The following CR1 variants were observed in gnomAD, a reference collection of about 807,000 sequenced individuals.
The protein encoded by CR1 is complement C3b/C4b receptor 1 (Knops blood group).
In CR1, 116 loss-of-function variants were observed where a neutral mutation model predicts 187.3. That is an observed-to-expected ratio of 0.62 (90% confidence interval 0.53 to 0.72). The LOEUF (loss-of-function observed/expected upper bound fraction) is 0.72, where lower values mean the gene tolerates loss of function less well. Among genes scored for constraint, CR1 ranks in the 30% least tolerant of loss-of-function variants. The probability of loss-of-function intolerance (pLI) is 0.00; values close to 1 mark genes in which losing one functional copy is unlikely to be tolerated. For missense variants in CR1, 1,731 were observed against 2,110.7 expected (o/e 0.82, Z 3.52); for synonymous variants, 576 against 747.1 (o/e 0.77, Z 3.73).
At chr1:207,615,142 A>G (rs1459852971) in intron 40 of CR1, among the ~76,000 whole-genome samples, 3 of 152,192 alleles carry the variant, frequency 2.0e-5, no homozygotes, top group African/African-American at 7.2e-5. Context: ...CTCGCATATC[A>G]TAAACAATTT....
chr1:207,584,339 T>G (rs1436711946), intron 32 of CR1, among the ~76,000 whole-genome samples: 3 of 152,192 alleles, frequency 2.0e-5, no homozygotes, highest in African/African-American at 7.2e-5. Context: ...TGATTCCCCT[T>G]TAATGTGACT....
chr1:207,615,205 G>T (rs2102392330), intron 40 of CR1, among the ~76,000 whole-genome samples: 1 of 152,230 alleles, frequency 6.6e-6, no homozygotes, highest in South Asian at 2.1e-4. Flanking sequence ...CTTCCCATGT[G>T]CCAGGACTTT....
chr1:207,506,659 A>T, intron 2 of CR1, 55 bp from the exon 3 acceptor site: 1 of 1,492,382 alleles, frequency 6.7e-7, no homozygotes, highest in Non-Finnish European at 9.3e-7. Flanking sequence ...TTATGTACTA[A>T]AAAAAGTTTT....
Position 207,522,415 on chromosome 1 carries a change from G to C in CR1, c.488-1196G>C, listed in dbSNP as rs377466650. On this transcript the variant is annotated intron_variant, in intron 4 of 46. Transcript: ENST00000367049. ...AAGGTATTACCAGGCCTTCCATTTG[G>C]GGCAGGCCCTGGACTTCCATTGTTG... 2.0e-5 allele frequency among the ~76,000 whole-genome samples: 3 copies of C among 152,280 alleles called. No individual in the cohort carries two copies. The South Asian group carries it at 6.2e-4, about 32-fold the overall frequency.
At chr1:207,612,590 C>G (rs566029908) in intron 39 of CR1, among the ~76,000 whole-genome samples, 1 of 152,240 alleles carries the variant, frequency 6.6e-6, no homozygotes, top group African/African-American at 2.4e-5. Context: ...CAGCAATGCC[C>G]CTGCCCAGGC....
intron 46 of CR1, among the ~76,000 whole-genome samples, chr1:207,633,932 T>C (rs769603676): frequency 2.2e-4 from 34 of 152,078 alleles, no homozygotes; most frequent in Non-Finnish European, 1.9e-4. Context: ...CTTTGTTCTC[T>C]GGCGGGCAGA....
intron 41 of CR1, among the ~76,000 whole-genome samples, 161 bp from the exon 42 acceptor site, chr1:207,617,910 C>G (rs1662197006): frequency 6.6e-6 from 1 of 151,926 alleles, no homozygotes. Context: ...TTTAGAGAAC[C>G]CGTCTTTCAC....
At chr1:207,499,287 G>A (rs1007036587) in intron 1 of CR1, among the ~76,000 whole-genome samples, 1 of 152,050 alleles carries the variant, frequency 6.6e-6, no homozygotes, top group Non-Finnish European at 1.5e-5. Flanking sequence ...ATGATAAAGG[G>A]GCCAATTATC....
At chr1:207,625,758 G>A (rs113859352) in intron 45 of CR1, among the ~76,000 whole-genome samples, 8 of 152,136 alleles carry the variant, frequency 5.3e-5, no homozygotes, top group African/African-American at 1.7e-4. Context: ...GTCCACCTCT[G>A]GTTGGGGGCC....
At chr1:207,628,852 T>A (rs1662562728) in intron 45 of CR1, among the ~76,000 whole-genome samples, 1 of 152,198 alleles carries the variant, frequency 6.6e-6, no homozygotes, top group African/African-American at 2.4e-5. Flanking sequence ...CAATCTCTAC[T>A]TTTTTTACTC....
intron 4 of CR1, among the ~76,000 whole-genome samples, chr1:207,514,172 C>T (rs1181165148): frequency 6.6e-6 from 1 of 152,008 alleles, no homozygotes; most frequent in East Asian, 1.9e-4. Context: ...TTCAATTTTA[C>T]ATTCTTAAAA....
At chr1:207,597,057 T>C (rs1344444290) in intron 35 of CR1, among the ~76,000 whole-genome samples, 2 of 149,014 alleles carry the variant, frequency 1.3e-5, no homozygotes, top group African/African-American at 4.9e-5. Context: ...AAAATATTGA[T>C]ATAAATTTTA....
At chr1:207,591,474 C>CAATAATAAAT (rs1490847380) in intron 35 of CR1, among the ~76,000 whole-genome samples, 2 of 151,196 alleles carry the variant, frequency 1.3e-5, no homozygotes, top group Non-Finnish European at 3.0e-5. Flanking sequence ...AAATTTATAG[C>CAATAATAAAT]ACTAAATGCC....
intron 4 of CR1, among the ~76,000 whole-genome samples, chr1:207,515,627 G>T (rs377171260): frequency 1.3e-5 from 2 of 152,098 alleles, no homozygotes; most frequent in African/African-American, 4.8e-5. Context: ...AGGAAGGATT[G>T]TTGGGTCTTC....
intron 32 of CR1, 45 bp from the exon 33 acceptor site, chr1:207,584,603 AC>A (rs1332658794): frequency 1.8e-5 from 28 of 1,582,546 alleles, no homozygotes; most frequent in Non-Finnish European, 2.3e-5. Context: ...CTTGGATTAT[AC>A]TTTAAAATTT....
chr1:207,587,365 T>C (rs1182633824), intron 33 of CR1, 21 bp from the exon 34 acceptor site: 5 of 1,596,350 alleles, frequency 3.1e-6, no homozygotes, highest in Non-Finnish European at 4.3e-6. Flanking sequence ...ACTTTGATAT[T>C]CCTGTGGTTT....
chr1:207,593,098 A>AAAAAAAAAAAAAAAC (rs1340703898), intron 35 of CR1, among the ~76,000 whole-genome samples: 1 of 151,772 alleles, frequency 6.6e-6, no homozygotes, highest in African/African-American at 2.4e-5. Flanking sequence ...AAAAAAAAAA[A>AAAAAAAAAAAAAAAC]AAAAACTACT....
chr1:207,583,580 A>C (rs1369303186), intron 32 of CR1, among the ~76,000 whole-genome samples: 2 of 152,242 alleles, frequency 1.3e-5, no homozygotes, highest in African/African-American at 4.8e-5. Flanking sequence ...TCACTAAATC[A>C]ATCAGGGTAT....
intron 4 of CR1, among the ~76,000 whole-genome samples, chr1:207,512,189 T>C (rs1659645152): frequency 6.6e-6 from 1 of 152,246 alleles, no homozygotes; most frequent in Admixed American, 6.5e-5. Context: ...TGCAGCATTA[T>C]TTATATTAGT....
Sources: allele counts gnomAD v4.1 joint callset (sites outside exome capture counted in the v4.1 genomes callset), GRCh38; gene constraint gnomAD v4.1.1; transcripts MANE v1.5; gene names NCBI Gene and HGNC (gene_info 2026-07-23, HGNC 2026-07-21).